The following UBE3D variants were observed in gnomAD, a reference collection of about 807,000 sequenced individuals.
UBE3D encodes the protein ubiquitin protein ligase E3D, also known as E3 ubiquitin-protein ligase E3D.
UBE3D carries 48 observed loss-of-function variants against 49.6 expected under a neutral mutation model. That is an observed-to-expected ratio of 0.97 (90% CI 0.77 to 1.23). The LOEUF (loss-of-function observed/expected upper bound fraction) is 1.23, where lower values mean the gene tolerates loss of function less well. UBE3D is among the 50% of genes most tolerant of loss of function. UBE3D has a pLI of 0.00. For synonymous variants in UBE3D, 189 were observed against 174.2 expected, an observed-to-expected ratio of 1.08 and a Z score of -0.67; for missense variants, 452 against 468.4, an observed-to-expected ratio of 0.96 and a Z score of 0.32.
intron 7 of UBE3D, among the ~76,000 whole-genome samples, chr6:83,021,356 A>G (rs1373944005): frequency 2.0e-5 from 3 of 152,122 alleles, no homozygotes; most frequent in Admixed American, 6.5e-5. Context: ...TGGGAGGATC[A>G]CTTTAGCCTG....
chr6:82,925,012 C>G, intron 9 of UBE3D: 1 of 152,494 alleles, frequency 6.6e-6, no homozygotes, highest in East Asian at 1.9e-4. Flanking sequence ...TGATATTTCC[C>G]AATAGTATTA....
intron 5 of UBE3D, among the ~76,000 whole-genome samples, chr6:83,024,657 C>A (rs999643548): frequency 6.6e-6 from 1 of 152,104 alleles, no homozygotes; most frequent in Non-Finnish European, 1.5e-5. Context: ...CTGACCCCAT[C>A]CCCTACTCTA....
At chr6:83,012,040 A>G (rs185763556) in intron 8 of UBE3D, among the ~76,000 whole-genome samples, 4 of 152,220 alleles carry the variant, frequency 2.6e-5, no homozygotes, top group Admixed American at 1.3e-4. Flanking sequence ...CCACTGTTCT[A>G]TGCTTCAGGA....
chr6:82,934,200 C>A (rs1028624017), intron 9 of UBE3D, among the ~76,000 whole-genome samples: 2 of 152,168 alleles, frequency 1.3e-5, no homozygotes, highest in Admixed American at 6.5e-5. Context: ...ACATGCCTTG[C>A]TTCCCCTTCC....
rs771709038 is a variant in UBE3D, at chr6:82,982,987, TTC to T, written c.1011-25539_1011-25538del. 3.9e-5 allele frequency among the ~76,000 whole-genome samples: 6 copies of T among 151,950 alleles called. No individual in the cohort carries two copies. In the South Asian group the frequency reaches 8.4e-4, roughly 21 times the overall value. On this transcript the variant is annotated intron_variant, in intron 8 of 9. Coordinates refer to ENST00000369747, the MANE Select transcript of UBE3D (RefSeq NM_198920.3). Reference sequence around the variant, plus strand: ...TTCCAAATGTACTGACCAATGAAATTTCTCTCTTTTTTTCTTTTTAAACAGGG... The same window carrying T: ...TTCCAAATGTACTGACCAATGAAATTTCTCTTTTTTTCTTTTTAAACAGGG...
At position 82,892,863 on chromosome 6, in the gene UBE3D, A is replaced by C. The variant is rs1356663102; in HGVS notation, c.*159T>G. 9.6e-6 allele frequency: 8 copies of C among 834,552 alleles called. No homozygotes were observed. In the Admixed American group the frequency reaches 1.6e-4, roughly 16 times the overall value. 51.7% of individuals were successfully genotyped at this position (834,552 alleles called of 1,614,324 possible). A position where few individuals can be genotyped will look rare whatever the true frequency, so the allele number is the denominator to read the frequency against. The stretch of plus-strand genomic sequence containing the variant: ...AAAGTTAACTCTTCTCTTAGAGAAT[A>C]CATGCAAACAAGTAAACTTAAAACT... On this transcript the variant is annotated 3_prime_UTR_variant, in exon 10 of 10. Coordinates refer to ENST00000369747, the MANE Select transcript of UBE3D (RefSeq NM_198920.3).
At chr6:82,889,998 G>T (rs1248049491), downstream of UBE3D, among the ~76,000 whole-genome samples, 1 of 151,552 alleles carries the variant, frequency 6.6e-6, no homozygotes, top group Non-Finnish European at 1.5e-5. Flanking sequence ...CTAGAAATTT[G>T]GTGCTTTACT....
intron 9 of UBE3D, among the ~76,000 whole-genome samples, chr6:82,917,006 G>A (rs1442513743): frequency 1.3e-5 from 2 of 152,072 alleles, no homozygotes; most frequent in African/African-American, 2.4e-5. Context: ...GAATACCTGG[G>A]AGCACTTAAA....
chr6:82,957,183 T>A (rs1447851906), intron 9 of UBE3D, 129 bp downstream of exon 9: 1 of 907,308 alleles, frequency 1.1e-6, no homozygotes, highest in Non-Finnish European at 1.7e-6. Context: ...AAGCAATACA[T>A]GCATTATGCT....
intron 8 of UBE3D, among the ~76,000 whole-genome samples, chr6:83,015,124 T>C (rs1294498792): frequency 6.6e-6 from 1 of 152,192 alleles, no homozygotes; most frequent in African/African-American, 2.4e-5. Context: ...ATTTTGTAGT[T>C]GAGTGACTGC....
intron 8 of UBE3D, among the ~76,000 whole-genome samples, chr6:82,974,076 G>A (rs558538594): frequency 1.3e-5 from 2 of 152,162 alleles, no homozygotes; most frequent in East Asian, 1.9e-4. Flanking sequence ...GCATTACAAT[G>A]TAACAATATT....
intron 8 of UBE3D, among the ~76,000 whole-genome samples, chr6:82,993,567 C>G (rs1779044884): frequency 6.6e-6 from 1 of 152,164 alleles, no homozygotes; most frequent in African/African-American, 2.4e-5. Flanking sequence ...TCACTTCATT[C>G]ATGTGGATTC....
chr6:82,968,322 C>A (rs1310245308), intron 8 of UBE3D, among the ~76,000 whole-genome samples: 1 of 148,108 alleles, frequency 6.8e-6, no homozygotes, highest in African/African-American at 2.5e-5. Context: ...ATTTCCCCTG[C>A]CCCCCACCCC....
At position 83,019,124 on chromosome 6, in the gene UBE3D, T is replaced by G; in HGVS notation, c.859A>C (p.Asn287His). 6.2e-7 allele frequency: 1 copy of G among 1,613,248 alleles called. No homozygotes were observed. The highest frequency in any genetic ancestry group is 8.5e-7 in the Non-Finnish European group (1 of 1,179,686). The change falls in exon 8 of 10, where the codon AAT becomes CAT. Residue 287 changes from asparagine (N) to histidine (H), a missense_variant. Physicochemically the swap from Asn to His is moderately conservative, Grantham distance 68. Coordinates refer to ENST00000369747, the MANE Select transcript of UBE3D (RefSeq NM_198920.3). ...GATTCAATCACCAAACTGTCTGAATTTAAAAGCCATAGCTAAAGATGTGAA... is the reference window on the plus strand; with the variant it reads ...GATTCAATCACCAAACTGTCTGAATGTAAAAGCCATAGCTAAAGATGTGAA... ...DKVYILLWLL[N>H]SDSLVIESLR...
intron 9 of UBE3D, among the ~76,000 whole-genome samples, chr6:82,942,294 T>C (rs1025740153): frequency 2.0e-5 from 3 of 152,098 alleles, no homozygotes; most frequent in Non-Finnish European, 4.4e-5. Flanking sequence ...TGTTCTGAAA[T>C]TGGAACTTAT....
chr6:82,938,068 T>A (rs1467564125), intron 9 of UBE3D, among the ~76,000 whole-genome samples: 1 of 152,214 alleles, frequency 6.6e-6, no homozygotes, highest in African/African-American at 2.4e-5. Context: ...TCTAGGATGT[T>A]CACAAGAAAT....
chr6:83,063,412 T>TAAAAAAAAAAA (rs201669450), intron 1 of UBE3D, among the ~76,000 whole-genome samples: 794 of 44,686 alleles, frequency 0.018, no homozygotes, highest in Non-Finnish European at 0.024. Flanking sequence ...AGACGCTGTC[T>TAAAAAAAAAAA]AAAAAAAAAA....
Position 83,038,420 on chromosome 6 carries a change from T to C in UBE3D, c.663A>G (p.Ser221=). ...TTCTTGTTATGAAATTCTTACCTGA[T>C]GACACGGTCTCTCCCAACATTACCT... The part of the protein sequence containing the change: ...RCKVMLGETV[S]SETTKFYMTE... Residue 221 remains serine, a synonymous_variant, in exon 5 of 10, where the codon TCA becomes TCG. Coordinates refer to ENST00000369747, the MANE Select transcript of UBE3D (RefSeq NM_198920.3). 1 of 1,611,832 alleles carries C rather than the reference T, an allele frequency of 6.2e-7. No individual in the cohort carries two copies. Among genetic ancestry groups the C allele is most frequent in the Non-Finnish European group, 8.5e-7 (1 of 1,179,372 alleles).
chr6:82,889,883 C>T (rs1473220743), downstream of UBE3D, among the ~76,000 whole-genome samples: 2 of 150,648 alleles, frequency 1.3e-5, no homozygotes, highest in African/African-American at 4.9e-5. Context: ...AATGAGTGGC[C>T]GACAGAAGTT....
Sources: gnomAD v4.1 joint callset for allele counts (sites outside exome capture counted in the v4.1 genomes callset) on GRCh38, gnomAD v4.1.1 for gene constraint, MANE v1.5 for transcripts, NCBI Gene and HGNC (gene_info 2026-07-23, HGNC 2026-07-21) for gene names.